SERINC5: variants seen among roughly 807,000 people sequenced by gnomAD.
SERINC5 encodes the protein chromosome 5 open reading frame 12.
SERINC5 carries 41 observed loss-of-function variants against 63.1 expected under a neutral mutation model. The observed-to-expected ratio is 0.65, with a 90% CI of 0.51 to 0.84. The LOEUF is 0.84. SERINC5 is among the 40% of genes least tolerant of loss of function. The pLI, the probability that SERINC5 is intolerant of heterozygous loss-of-function variation, is 0.00. For synonymous variants in SERINC5, 222 were observed against 215.2 expected (o/e 1.03, Z -0.28); for missense variants, 523 against 573.0 (o/e 0.91, Z 0.89).
At chr5:80,113,697 C>A in intron 11 of SERINC5, 1 of 184,716 alleles carries the variant, frequency 5.4e-6, no homozygotes, top group South Asian at 8.2e-5. Flanking sequence ...CATCAGCTCT[C>A]ATGAGACTTA....
chr5:80,126,453 C>T (rs1285786878), intron 11 of SERINC5, among the ~76,000 whole-genome samples: 1 of 152,192 alleles, frequency 6.6e-6, no homozygotes, highest in Non-Finnish European at 1.5e-5. Context: ...CTAGATGCTT[C>T]TAAGCCTTTC....
chr5:80,152,699 G>C (rs1261826120), intron 8 of SERINC5, among the ~76,000 whole-genome samples: 3 of 152,170 alleles, frequency 2.0e-5, no homozygotes, highest in African/African-American at 7.2e-5. Flanking sequence ...CCAGCACTTT[G>C]GGAGGCCAAG....
At chr5:80,206,948 G>T (rs773177549) in intron 1 of SERINC5, among the ~76,000 whole-genome samples, 5 of 151,080 alleles carry the variant, frequency 3.3e-5, no homozygotes, top group Admixed American at 6.6e-5. Flanking sequence ...ACCATGCCTG[G>T]CTGGTTGCTA....
At chr5:80,190,243 G>A (rs949633699) in intron 2 of SERINC5, among the ~76,000 whole-genome samples, 2 of 151,202 alleles carry the variant, frequency 1.3e-5, no homozygotes, top group Admixed American at 6.6e-5. Flanking sequence ...TCCTGGAGCA[G>A]CTAGGACTAC....
intron 1 of SERINC5, among the ~76,000 whole-genome samples, chr5:80,246,567 ACT>A (rs1314260829): frequency 1.3e-5 from 2 of 152,192 alleles, no homozygotes; most frequent in African/African-American, 4.8e-5. Context: ...TTCAAAATTT[ACT>A]CTCTGATAAA....
chr5:80,155,017 G>A, intron 8 of SERINC5, among the ~76,000 whole-genome samples: 1 of 152,164 alleles, frequency 6.6e-6, no homozygotes, highest in East Asian at 1.9e-4. Context: ...GAGCCTCAAG[G>A]AAAGGTTGCC....
intron 1 of SERINC5, among the ~76,000 whole-genome samples, chr5:80,214,545 G>C (rs1166536450): frequency 1.5e-5 from 2 of 135,132 alleles, no homozygotes; most frequent in Non-Finnish European, 3.1e-5. Context: ...CACCATAATT[G>C]AGGCATTAAA....
chr5:80,244,303 C>T (rs919672589), intron 1 of SERINC5, among the ~76,000 whole-genome samples: 4 of 151,902 alleles, frequency 2.6e-5, no homozygotes, highest in South Asian at 4.2e-4. Context: ...GCAACCTCTG[C>T]CTCTCAGGTT....
At chr5:80,223,334 TTTAAA>T (rs1233632997) in intron 1 of SERINC5, among the ~76,000 whole-genome samples, 2 of 152,218 alleles carry the variant, frequency 1.3e-5, no homozygotes, top group South Asian at 2.1e-4. Flanking sequence ...TCCTATATAC[TTTAAA>T]TTATCTCTAG....
chr5:80,194,508 G>A (rs955407336), intron 2 of SERINC5, among the ~76,000 whole-genome samples: 1 of 152,166 alleles, frequency 6.6e-6, no homozygotes, highest in African/African-American at 2.4e-5. Context: ...AACACAACCT[G>A]AAAACAAGTT....
intron 1 of SERINC5, among the ~76,000 whole-genome samples, chr5:80,237,768 A>G (rs1378574011): frequency 6.6e-6 from 1 of 151,510 alleles, no homozygotes; most frequent in Non-Finnish European, 1.5e-5. Flanking sequence ...AAAAAAAAAA[A>G]GAAGTCAGAG....
chr5:80,169,364 A>G lies in SERINC5; in HGVS notation c.734T>C (p.Leu245Ser). ...VNGGLCLLIS[L>S]VAISPWVQNR... ...TTGGACCCAGGGTGAGATGGCTACC[A>G]ATGATATAAGCAGGCACAGGCCTCC... Residue 245 changes from leucine to serine, a missense_variant, in exon 6 of 12, where the codon TTG becomes TCG. Transcript: ENST00000507668. 1.9e-6 allele frequency: 3 copies of G among 1,614,006 alleles called. No homozygotes were observed. Among genetic ancestry groups the G allele is most frequent in the Non-Finnish European group, 2.5e-6 (3 of 1,179,852 alleles).
intron 1 of SERINC5, among the ~76,000 whole-genome samples, chr5:80,204,579 C>T (rs565525495): frequency 1.3e-5 from 2 of 152,198 alleles, no homozygotes; most frequent in Non-Finnish European, 2.9e-5. Context: ...TTAATGACAA[C>T]CATCAATGGT....
intron 1 of SERINC5, among the ~76,000 whole-genome samples, chr5:80,234,943 A>G (rs183339234): frequency 3.3e-5 from 5 of 152,328 alleles, no homozygotes; most frequent in South Asian, 4.1e-4. Flanking sequence ...TGAAACACAC[A>G]TAACATTAAA....
intron 2 of SERINC5, among the ~76,000 whole-genome samples, chr5:80,178,963 A>G (rs1294149281): frequency 6.6e-6 from 1 of 152,050 alleles, no homozygotes; most frequent in Non-Finnish European, 1.5e-5. Flanking sequence ...GCTTTTTAAA[A>G]TAAAAGATTG....
At position 80,174,998 on chromosome 5, in the gene SERINC5, C is replaced by A; in HGVS notation, c.507G>T (p.Gln169His). ...GTGCAAACTCCACGAGCAGGAGGAG[C>A]TGGATGCCAATGAAGAGGAAGCCTC... The part of the protein sequence containing the change: ...AVGGFLFIGI[Q>H]LLLLVEFAHK... Residue 169 changes from glutamine to histidine, a missense_variant, in exon 5 of 12, where the codon CAG becomes CAT. Gln to His is a conservative substitution (Grantham distance 24). Coordinates refer to ENST00000507668, the MANE Select transcript of SERINC5 (RefSeq NM_001174072.3). 1 of 1,603,446 alleles carries A rather than the reference C, an allele frequency of 6.2e-7. No homozygotes were observed. The highest frequency in any genetic ancestry group is 8.5e-7 in the Non-Finnish European group (1 of 1,174,836).
At chr5:80,245,478 AAGCACTG>A (rs1752129121) in intron 1 of SERINC5, among the ~76,000 whole-genome samples, 2 of 152,200 alleles carry the variant, frequency 1.3e-5, no homozygotes, top group Non-Finnish European at 2.9e-5. Flanking sequence ...GTCTGTGAAG[AAGCACTG>A]GCCCAGGCAC....
chr5:80,198,293 C>T (rs1749629419), intron 2 of SERINC5, among the ~76,000 whole-genome samples: 1 of 152,140 alleles, frequency 6.6e-6, no homozygotes, highest in South Asian at 2.1e-4. Flanking sequence ...ATGCCTTATT[C>T]AACCAGCACA....
chr5:80,217,604 T>C (rs969678267), intron 1 of SERINC5, among the ~76,000 whole-genome samples: 1 of 152,234 alleles, frequency 6.6e-6, no homozygotes, highest in African/African-American at 2.4e-5. Flanking sequence ...ATGCACAATA[T>C]GTAACACATA....
Sources: allele counts gnomAD v4.1 joint callset (sites outside exome capture counted in the v4.1 genomes callset), GRCh38; gene constraint gnomAD v4.1.1; transcripts MANE v1.5; gene names NCBI Gene and HGNC (gene_info 2026-07-23, HGNC 2026-07-21).